The following DNAH14 variants were observed in gnomAD, a reference collection of about 807,000 sequenced individuals.
DNAH14 encodes axonemal beta dynein heavy chain 14.
DNAH14 carries 478 observed loss-of-function variants against 520.9 expected under a neutral mutation model. The observed-to-expected ratio is 0.92, with a 90% confidence interval of 0.85 to 0.99. DNAH14 has a LOEUF of 0.99. Ranked by LOEUF, DNAH14 falls within the 50% of genes least tolerant of loss-of-function variation. The pLI is 0.00. For missense variants in DNAH14, 4,831 were observed against 5,234.5 expected (o/e 0.92, Z 2.38); for synonymous variants, 1,581 against 1,757.2 (o/e 0.90, Z 2.51).
At chr1:225,251,749 A>G (rs555886997) in intron 43 of DNAH14, among the ~76,000 whole-genome samples, 8 of 152,276 alleles carry the variant, frequency 5.3e-5, no homozygotes, top group African/African-American at 1.9e-4. Context: ...CAATTTTTCA[A>G]ATGGTAAAAA....
intron 11 of DNAH14, among the ~76,000 whole-genome samples, chr1:225,028,031 G>A (rs867357519): frequency 2.6e-5 from 4 of 152,136 alleles, no homozygotes; most frequent in Non-Finnish European, 5.9e-5. Context: ...GCTGGATTCA[G>A]TCTGGTATTA....
At position 225,147,087 on chromosome 1, in the gene DNAH14, C is replaced by CTT; in HGVS notation, c.4795-7_4795-6dup. 62 of 1,175,454 alleles carry CTT rather than the reference C, an allele frequency of 5.3e-5. No individual in the cohort carries two copies. The highest frequency in any genetic ancestry group is 1.5e-4 in the South Asian group (9 of 59,412). 72.8% of individuals were successfully genotyped at this position (1,175,454 alleles called of 1,614,324 possible). On this transcript the variant is annotated splice_polypyrimidine_tract_variant and intron_variant, in intron 30 of 85. Transcript: ENST00000682510. ...TTATAATAATTTTAGTAATCAATCT[C>CTT]TTTTTTTTTTTAAAAGATAGTGAGA...
chr1:224,994,143 ATGTATATTC>A (rs2063237241), intron 8 of DNAH14, among the ~76,000 whole-genome samples: 1 of 152,032 alleles, frequency 6.6e-6, no homozygotes, highest in African/African-American at 2.4e-5. Context: ...CTTGAGAACA[ATGTATATTC>A]TGTTGCTGTT....
At chr1:225,046,431 C>T (rs1244252586) in intron 15 of DNAH14, among the ~76,000 whole-genome samples, 2 of 152,020 alleles carry the variant, frequency 1.3e-5, no homozygotes, top group African/African-American at 4.8e-5. Context: ...ATTATGATTT[C>T]ATTTTTATAT....
At chr1:225,210,199 G>A (rs1363696970) in intron 41 of DNAH14, among the ~76,000 whole-genome samples, 2 of 152,040 alleles carry the variant, frequency 1.3e-5, no homozygotes, top group Non-Finnish European at 1.5e-5. Flanking sequence ...AAACCAGAAA[G>A]CCACGTGGTC....
At chr1:225,372,384 A>G (rs578201273) in intron 77 of DNAH14, among the ~76,000 whole-genome samples, 41 of 152,192 alleles carry the variant, frequency 2.7e-4, no homozygotes, top group Admixed American at 4.6e-4. Context: ...AGAAGTAGAC[A>G]ATAAATCGGT....
intron 77 of DNAH14, among the ~76,000 whole-genome samples, chr1:225,369,452 TATTCTTCAGACA>T (rs1304287044): frequency 6.6e-6 from 1 of 151,338 alleles, no homozygotes; most frequent in African/African-American, 2.4e-5. Flanking sequence ...GAGAGTGCTA[TATTCTTCAGACA>T]ACAGCATATT....
chr1:225,298,541 C>T (rs1297023089), intron 55 of DNAH14, among the ~76,000 whole-genome samples: 1 of 152,158 alleles, frequency 6.6e-6, no homozygotes, highest in African/African-American at 2.4e-5. Context: ...CCAGGCTCTG[C>T]ACAGCTGGGG....
intron 31 of DNAH14, 195 bp from the exon 32 acceptor site, chr1:225,151,810 A>G (rs2080527460): frequency 3.0e-6 from 2 of 677,740 alleles, no homozygotes; most frequent in East Asian, 2.7e-5. Context: ...TCTGAATCCC[A>G]GCAGGGATGA....
At chr1:224,963,305 C>A (rs1018733712) in intron 4 of DNAH14, among the ~76,000 whole-genome samples, 1 of 151,972 alleles carries the variant, frequency 6.6e-6, no homozygotes, top group Admixed American at 6.6e-5. Flanking sequence ...TCATTGTTTT[C>A]CTTTTAACAT....
At position 225,335,204 on chromosome 1, in the gene DNAH14, C is replaced by T. The variant is rs561921273; in HGVS notation, c.10080+1698C>T. On this transcript the variant is annotated intron_variant, in intron 66 of 85. Coordinates refer to ENST00000682510, the MANE Select transcript of DNAH14 (RefSeq NM_001367479.1). ...GCGCATGTGTGTATATATGCACACA[C>T]GTACATGTGTGTATATATGCACATA... 6.2e-3 allele frequency among the ~76,000 whole-genome samples: 872 copies of T among 141,034 alleles called. 12 individuals are homozygous for T. Among genetic ancestry groups the T allele is most frequent in the Middle Eastern group, 0.012 (3 of 250 alleles). 92.5% of individuals were successfully genotyped at this position (141,034 alleles called of 152,430 possible).
chr1:225,035,373 TC>T (rs1207893627), intron 11 of DNAH14, among the ~76,000 whole-genome samples: 5 of 152,134 alleles, frequency 3.3e-5, no homozygotes, highest in African/African-American at 1.2e-4. Flanking sequence ...ACCCTTTGTT[TC>T]ACTGATCTTT....
intron 66 of DNAH14, among the ~76,000 whole-genome samples, chr1:225,335,645 GTATA>G (rs1267755465): frequency 1.5e-5 from 2 of 129,440 alleles, no homozygotes; most frequent in African/African-American, 6.4e-5. Flanking sequence ...GTGCATATAT[GTATA>G]TACGCATATA....
intron 28 of DNAH14, among the ~76,000 whole-genome samples, chr1:225,142,757 A>G (rs1376284495): frequency 6.6e-6 from 1 of 152,042 alleles, no homozygotes; most frequent in African/African-American, 2.4e-5. Context: ...GTGAAAACCC[A>G]TCTCTACTAA....
intron 78 of DNAH14, among the ~76,000 whole-genome samples, chr1:225,375,430 A>G (rs1324123973): frequency 6.6e-6 from 1 of 152,188 alleles, no homozygotes; most frequent in Non-Finnish European, 1.5e-5. Flanking sequence ...TGGACTTGAC[A>G]TAAACTTTGA....
At chr1:225,160,897 G>A (rs12143049) in intron 35 of DNAH14, among the ~76,000 whole-genome samples, 152,254 of 152,254 alleles carry the variant, frequency 1, 76,127 homozygotes, top group Non-Finnish European at 1. Flanking sequence ...AAATATCCTT[G>A]TTCTTCTGGG....
intron 1 of DNAH14, among the ~76,000 whole-genome samples, chr1:224,942,417 G>C (rs1487249678): frequency 6.6e-6 from 1 of 152,096 alleles, no homozygotes; most frequent in Non-Finnish European, 1.5e-5. Context: ...GAGACGATGG[G>C]GTTTTCTAGA....
At chr1:225,135,847 T>G (rs2078906261) in intron 27 of DNAH14, among the ~76,000 whole-genome samples, 2 of 149,142 alleles carry the variant, frequency 1.3e-5, no homozygotes, top group Admixed American at 6.6e-5. Context: ...CCTCCTGTTT[T>G]GGGTGCATAT....
Position 225,308,360 on chromosome 1 carries a change from G to A in DNAH14, c.9190G>A (p.Asp3064Asn). The A allele has an allele frequency of 6.5e-7, 1 of 1,543,144 alleles. No individual in the cohort carries two copies. Among genetic ancestry groups the A allele is most frequent in the Non-Finnish European group, 8.7e-7 (1 of 1,144,692 alleles). ...VEKVQMLVKQ[D>N]EEIVAEEVRI... ...GAAAGTTCAGATGCTTGTTAAACAG[G>A]ATGAAGAAATTGTGGCAGAAGAAGT... Residue 3064 changes from aspartate (D) to asparagine (N), a missense_variant, in exon 60 of 86, where the codon GAT (aspartate) becomes AAT (asparagine). Transcript: ENST00000682510.
Sources: gnomAD v4.1 joint callset for allele counts (sites outside exome capture counted in the v4.1 genomes callset) on GRCh38, gnomAD v4.1.1 for gene constraint, MANE v1.5 for transcripts, NCBI Gene and HGNC (gene_info 2026-07-23, HGNC 2026-07-21) for gene names.